The following ERC1 variants were observed in gnomAD, a reference collection of about 807,000 sequenced individuals.
ERC1 encodes the protein RAB6 interacting protein 2.
In ERC1, 56 loss-of-function variants were observed where a neutral mutation model predicts 132.0. The observed-to-expected ratio is 0.42, with a 90% CI of 0.34 to 0.53. The LOEUF (loss-of-function observed/expected upper bound fraction) is 0.53. Among genes scored for constraint, ERC1 ranks in the 20% least tolerant of loss-of-function variants. The probability of loss-of-function intolerance (pLI) is 0.03; values close to 1 mark genes in which losing one functional copy is unlikely to be tolerated. For missense variants in ERC1, 1,202 were observed against 1,349.9 expected (o/e 0.89, Z 1.72); for synonymous variants, 478 against 476.1 (o/e 1.00, Z -0.05).
intron 2 of ERC1, among the ~76,000 whole-genome samples, chr12:1,038,262 C>A (rs1023871437): frequency 2.0e-5 from 3 of 152,076 alleles, no homozygotes; most frequent in Non-Finnish European, 4.4e-5. Context: ...TTTACCCCAT[C>A]CTCCCAGGTC....
intron 14 of ERC1, among the ~76,000 whole-genome samples, chr12:1,275,916 CACTT>C (rs1194582885): frequency 2.6e-5 from 4 of 152,176 alleles, no homozygotes; most frequent in African/African-American, 7.2e-5. Flanking sequence ...GATTTACTGA[CACTT>C]ACTGATTACC....
At chr12:1,214,186 T>C (rs958668046) in intron 12 of ERC1, among the ~76,000 whole-genome samples, 2 of 152,194 alleles carry the variant, frequency 1.3e-5, no homozygotes, top group African/African-American at 4.8e-5. Context: ...ATCTCCCAGG[T>C]AAACAGTATT....
chr12:990,934 CGTGTGTGTGTGTGTGTGAGTGT>C (rs886511991), upstream of ERC1: 5 of 99,310 alleles, frequency 5.0e-5, no homozygotes, highest in Admixed American at 1.0e-4. Context: ...CCGCAGGGGT[CGTGTGTGTGTGTGTGTGAGTGT>C]GTGTGTGTGT....
intron 15 of ERC1, among the ~76,000 whole-genome samples, chr12:1,370,265 C>T (rs1330342972): frequency 6.6e-6 from 1 of 152,224 alleles, no homozygotes; most frequent in African/African-American, 2.4e-5. Flanking sequence ...ACTAAATCCA[C>T]CTTTTTTTCC....
chr12:1,393,557 T>C (rs2090161585), intron 16 of ERC1, among the ~76,000 whole-genome samples: 1 of 151,596 alleles, frequency 6.6e-6, no homozygotes. Flanking sequence ...AAAGAACTTT[T>C]ATTCTTGTGA....
intron 12 of ERC1, among the ~76,000 whole-genome samples, chr12:1,208,965 T>A (rs1957600849): frequency 2.4e-5 from 3 of 123,258 alleles, no homozygotes; most frequent in Admixed American, 1.5e-4. Flanking sequence ...TGATTTTTTT[T>A]TTTTTTTTTT....
intron 13 of ERC1, among the ~76,000 whole-genome samples, chr12:1,243,079 C>T (rs1024584608): frequency 1.5e-4 from 22 of 150,514 alleles, no homozygotes; most frequent in Non-Finnish European, 2.7e-4. Context: ...CCCAGCTACT[C>T]GGGAGGCTGA....
rs7136922 is a variant in ERC1, at chr12:1,179,302, G to T, written c.1738-1238G>T. ...TTGCATGCTGACACTGCCAACACTGGTACTGTTATTTATTTAAAGTACAGA... is the reference window on the plus strand; with the variant it reads ...TTGCATGCTGACACTGCCAACACTGTTACTGTTATTTATTTAAAGTACAGA... On this transcript the variant is annotated intron_variant, in intron 8 of 18. Transcript: ENST00000360905. Among the ~76,000 whole-genome samples the T allele has an allele frequency of 8.1e-3, 1,232 of 152,066 alleles. 24 individuals are homozygous for T. The highest frequency in any genetic ancestry group is 0.027 in the African/African-American group (1,136 of 41,472).
intron 16 of ERC1, among the ~76,000 whole-genome samples, chr12:1,403,387 TGAGAA>T (rs1235535055): frequency 2.0e-5 from 3 of 152,180 alleles, no homozygotes; most frequent in African/African-American, 7.2e-5. Context: ...GGTCTTATCT[TGAGAA>T]GAGCATACTA....
chr12:1,045,051 C>G (rs906558778), intron 2 of ERC1, among the ~76,000 whole-genome samples: 2 of 152,032 alleles, frequency 1.3e-5, no homozygotes, highest in Admixed American at 6.6e-5. Context: ...ATTTAAAATA[C>G]GTGCTTTTGT....
In ERC1 at chr12:1,490,326, C is replaced by T; in HGVS notation, c.*96C>T. Reference sequence around the variant, plus strand: ...CCCGGAACCTTCTTGGCACCAAACACTACAAACTTCATCCCAACTTGCTCA... The same window carrying T: ...CCCGGAACCTTCTTGGCACCAAACATTACAAACTTCATCCCAACTTGCTCA... On this transcript the variant is annotated 3_prime_UTR_variant, in exon 19 of 19. Transcript: ENST00000360905. 2 of 1,219,610 alleles carry T rather than the reference C, an allele frequency of 1.6e-6. No homozygotes were observed. Among genetic ancestry groups the T allele is most frequent in the Non-Finnish European group, 2.3e-6 (2 of 877,196 alleles). The allele number at this position is 1,219,610 out of a possible 1,614,324, so 75.5% of individuals were successfully genotyped here.
At chr12:1,076,823 T>G (rs1162490688) in intron 2 of ERC1, among the ~76,000 whole-genome samples, 2 of 152,192 alleles carry the variant, frequency 1.3e-5, no homozygotes, top group African/African-American at 4.8e-5. Context: ...CAGTTTTTCA[T>G]AAAAAATTTA....
intron 15 of ERC1, among the ~76,000 whole-genome samples, chr12:1,360,367 T>C (rs1450357151): frequency 6.6e-6 from 1 of 152,008 alleles, no homozygotes; most frequent in Admixed American, 6.6e-5. Context: ...TCCAATAGAG[T>C]CGCACAATAG....
Position 1,083,212 on chromosome 12 carries a change from A to C in ERC1, c.718A>C (p.Arg240=). ...QALQDELRIQ[R]DLNQLFQQDS... is the part of the protein sequence containing the mutation. ...TCTCCAGGATGAATTGCGGATCCAGAGGGACCTGAATCAGCTGTTTCAGCA... is the reference window on the plus strand; with the variant it reads ...TCTCCAGGATGAATTGCGGATCCAGCGGGACCTGAATCAGCTGTTTCAGCA... The change falls in exon 3 of 19, where the codon AGG becomes CGG. Residue 240 remains arginine (R), a synonymous_variant. Coordinates refer to ENST00000360905, the MANE Select transcript of ERC1 (RefSeq NM_178040.4). 2 of 1,614,090 alleles carry C rather than the reference A, an allele frequency of 1.2e-6. No homozygotes were observed. Among genetic ancestry groups the C allele is most frequent in the Non-Finnish European group, 1.7e-6 (2 of 1,179,980 alleles).
At chr12:1,421,333 C>G (rs2092420528) in intron 17 of ERC1, among the ~76,000 whole-genome samples, 1 of 152,186 alleles carries the variant, frequency 6.6e-6, no homozygotes, top group Non-Finnish European at 1.5e-5. Context: ...CTCAAGGCAG[C>G]TGATCAGAGG....
chr12:1,122,606 T>TTG lies in ERC1; in HGVS notation c.1569+6573_1569+6574insTG, dbSNP rs1454582421. On this transcript the variant is annotated intron_variant, in intron 7 of 18. Transcript: ENST00000360905. ...CTATCTCTATCTCTATCTGTGTCTCTATCTCTATCTCTATCTGTGTCTCTA... is the reference window on the plus strand; with the variant it reads ...CTATCTCTATCTCTATCTGTGTCTCTTGATCTCTATCTCTATCTGTGTCTCTA... Among the ~76,000 whole-genome samples, 6 of 71,246 alleles carry TTG rather than the reference T, an allele frequency of 8.4e-5. 1 individual carries two copies. The highest frequency in any genetic ancestry group is 6.1e-4 in the East Asian group (1 of 1,648). 46.7% of individuals were successfully genotyped at this position (71,246 alleles called of 152,430 possible). A position where few individuals can be genotyped will look rare whatever the true frequency, so the allele number is the denominator to read the frequency against.
At chr12:1,453,651 C>T (rs1272731120) in intron 18 of ERC1, among the ~76,000 whole-genome samples, 1 of 152,106 alleles carries the variant, frequency 6.6e-6, no homozygotes, top group African/African-American at 2.4e-5. Flanking sequence ...CCATTTTTTA[C>T]ATTATATATA....
intron 18 of ERC1, among the ~76,000 whole-genome samples, chr12:1,475,004 G>T (rs1270658254): frequency 6.6e-6 from 1 of 152,146 alleles, no homozygotes; most frequent in Non-Finnish European, 1.5e-5. Flanking sequence ...TTACTACTCT[G>T]AGTTCAGGGA....
intron 15 of ERC1, among the ~76,000 whole-genome samples, chr12:1,365,820 C>G (rs1181631614): frequency 6.6e-6 from 1 of 152,092 alleles, no homozygotes. Context: ...AGACACAACC[C>G]AAGTGTCCAT....
Sources: gnomAD v4.1 joint callset for allele counts (sites outside exome capture counted in the v4.1 genomes callset) on GRCh38, gnomAD v4.1.1 for gene constraint, MANE v1.5 for transcripts, NCBI Gene and HGNC (gene_info 2026-07-23, HGNC 2026-07-21) for gene names.